The following DOCK3 variants were observed in gnomAD, a reference collection of about 807,000 sequenced individuals.
DOCK3 encodes the protein dedicator of cytokinesis 3.
Under a neutral mutation model 265.6 loss-of-function variants are expected in DOCK3, and 60 were observed. The ratio of observed to expected loss-of-function variants is 0.23; its 90% CI spans 0.18 to 0.28. The LOEUF (loss-of-function observed/expected upper bound fraction) is 0.28, where lower values mean the gene tolerates loss of function less well. Among genes scored for constraint, DOCK3 ranks in the 10% least tolerant of loss-of-function variants. The probability of loss-of-function intolerance (pLI) is 1.00; values close to 1 mark genes in which losing one functional copy is unlikely to be tolerated. For synonymous variants in DOCK3, 881 were observed against 938.0 expected (o/e 0.94, Z 1.11); for missense variants, 1,981 against 2,594.3 (o/e 0.76, Z 5.14).
rs564401930 is a variant in DOCK3, at chr3:51,308,570, G to T, written c.2923-1662G>T. ...AGATCAACAGGATCCCAAGGCAGAA[G>T]AATTTTTCTTAGTACAGAACAAAAT... On this transcript the variant is annotated intron_variant, in intron 27 of 52. Transcript: ENST00000266037. 5.4e-4 allele frequency among the ~76,000 whole-genome samples: 82 copies of T among 152,158 alleles called. No homozygotes were observed. The East Asian group carries it at 0.014, about 27-fold the overall frequency.
intron 50 of DOCK3, among the ~76,000 whole-genome samples, chr3:51,375,001 CTTTTA>C: frequency 6.6e-6 from 1 of 152,334 alleles, no homozygotes; most frequent in South Asian, 2.1e-4. Context: ...AACTCTGCCT[CTTTTA>C]TTCATCCATC....
intron 13 of DOCK3, among the ~76,000 whole-genome samples, chr3:51,210,119 C>T (rs2089423645): frequency 6.6e-6 from 1 of 152,094 alleles, no homozygotes; most frequent in African/African-American, 2.4e-5. Flanking sequence ...GTTCGTGGGA[C>T]ATAATGTGAT....
At chr3:51,099,294 C>A (rs2109699294) in intron 9 of DOCK3, among the ~76,000 whole-genome samples, 2 of 152,300 alleles carry the variant, frequency 1.3e-5, no homozygotes, top group Non-Finnish European at 2.9e-5. Context: ...TGTGGTTAAA[C>A]CTGCCTTTTT....
chr3:51,248,246 A>C (rs1348255807), intron 22 of DOCK3, among the ~76,000 whole-genome samples: 1 of 152,240 alleles, frequency 6.6e-6, no homozygotes, highest in Non-Finnish European at 1.5e-5. Context: ...AGTCAGTTTA[A>C]AAAACAAAAC....
intron 2 of DOCK3, among the ~76,000 whole-genome samples, chr3:50,800,229 C>G (rs529880062): frequency 2.6e-5 from 4 of 152,254 alleles, no homozygotes; most frequent in East Asian, 1.9e-4. Context: ...TGAGAATTCC[C>G]TGCTTCAACA....
chr3:51,127,128 G>A (rs2084300093), intron 9 of DOCK3, among the ~76,000 whole-genome samples: 1 of 152,116 alleles, frequency 6.6e-6, no homozygotes, highest in African/African-American at 2.4e-5. Context: ...ATGTAGGCTG[G>A]GTGGCTAGGC....
At chr3:50,818,641 A>G (rs1470564641) in intron 2 of DOCK3, among the ~76,000 whole-genome samples, 3 of 152,212 alleles carry the variant, frequency 2.0e-5, no homozygotes, top group Non-Finnish European at 2.9e-5. Flanking sequence ...TACTACACAG[A>G]TGGTCTGAGC....
chr3:51,368,821 C>T (rs1297774610), intron 49 of DOCK3, among the ~76,000 whole-genome samples: 3 of 152,244 alleles, frequency 2.0e-5, no homozygotes, highest in African/African-American at 7.2e-5. Flanking sequence ...GGGCGACTGA[C>T]ACCTCATATG....
At chr3:50,911,655 T>C (rs976439735) in intron 4 of DOCK3, among the ~76,000 whole-genome samples, 1 of 151,916 alleles carries the variant, frequency 6.6e-6, no homozygotes. Flanking sequence ...TGTAGTACCA[T>C]ACAGATTTTA....
At chr3:50,787,797 A>G in intron 2 of DOCK3, 1 of 1,112,898 alleles carries the variant, frequency 9.0e-7, no homozygotes, top group East Asian at 2.6e-5. Flanking sequence ...CATTGCTGTT[A>G]TCTGTGGCCC....
chr3:50,978,004 T>G (rs1301572373), intron 5 of DOCK3, among the ~76,000 whole-genome samples: 2 of 152,200 alleles, frequency 1.3e-5, no homozygotes, highest in African/African-American at 4.8e-5. Context: ...TCAGCTCCTT[T>G]AAGCACTTCT....
intron 1 of DOCK3, among the ~76,000 whole-genome samples, chr3:50,765,104 C>CA (rs1433761385): frequency 1.8e-4 from 18 of 100,434 alleles, no homozygotes; most frequent in African/African-American, 6.6e-4. Context: ...TTTTTTGAGA[C>CA]AGAGTCTCGC....
In DOCK3 at chr3:51,201,412, T is replaced by G. The variant is rs1039632546; in HGVS notation, c.1038-7362T>G. Reference sequence around the variant, plus strand: ...AAAACAGACTTTAAACCAACAAAGATCAAAAGAGACAAGGCCATTACAATA... The same window carrying G: ...AAAACAGACTTTAAACCAACAAAGAGCAAAAGAGACAAGGCCATTACAATA... On this transcript the variant is annotated intron_variant, in intron 12 of 52. Coordinates refer to ENST00000266037, the MANE Select transcript of DOCK3 (RefSeq NM_004947.5). Among the ~76,000 whole-genome samples the G allele has an allele frequency of 1.6e-4, 25 of 151,964 alleles. No individual in the cohort carries two copies. The South Asian group carries it at 1.9e-3, about 11-fold the overall frequency.
intron 4 of DOCK3, among the ~76,000 whole-genome samples, chr3:50,902,140 G>A (rs1414353105): frequency 3.3e-5 from 5 of 152,052 alleles, no homozygotes; most frequent in African/African-American, 1.2e-4. Context: ...TAGGCTGTCT[G>A]TTCACTCTGA....
At chr3:51,369,157 C>T (rs1036715815) in intron 49 of DOCK3, among the ~76,000 whole-genome samples, 2 of 152,242 alleles carry the variant, frequency 1.3e-5, no homozygotes, top group African/African-American at 4.8e-5. Context: ...CGCAGCTCCT[C>T]GCCAGCAATG....
chr3:51,341,449 A>G (rs2085236828), intron 38 of DOCK3, 64 bp downstream of exon 38: 2 of 1,591,904 alleles, frequency 1.3e-6, no homozygotes, highest in Non-Finnish European at 1.7e-6. Flanking sequence ...GCATCTTGAC[A>G]CCATAGGGTT....
chr3:51,059,996 C>G (rs2081354198), intron 5 of DOCK3, among the ~76,000 whole-genome samples: 1 of 152,068 alleles, frequency 6.6e-6, no homozygotes, highest in South Asian at 2.1e-4. Context: ...TCACATTCTG[C>G]TACCCCATTT....
chr3:51,197,373 C>A (rs2088369112), intron 12 of DOCK3, among the ~76,000 whole-genome samples: 1 of 152,176 alleles, frequency 6.6e-6, no homozygotes, highest in African/African-American at 2.4e-5. Flanking sequence ...GGTTCCTGAG[C>A]AGCTACATGG....
At chr3:51,321,626 G>C (rs895566602) in intron 32 of DOCK3, among the ~76,000 whole-genome samples, 3 of 152,104 alleles carry the variant, frequency 2.0e-5, no homozygotes, top group Admixed American at 1.3e-4. Context: ...GTTTAGAGAA[G>C]AACATAAATG....
Sources: allele counts gnomAD v4.1 joint callset (sites outside exome capture counted in the v4.1 genomes callset), GRCh38; gene constraint gnomAD v4.1.1; transcripts MANE v1.5; gene names NCBI Gene and HGNC (gene_info 2026-07-23, HGNC 2026-07-21).